GNAQ: variants seen among roughly 807,000 people sequenced by gnomAD.
GNAQ encodes guanine nucleotide-binding protein G(q) subunit alpha.
In GNAQ, 8 loss-of-function variants were observed where a neutral mutation model predicts 43.9. That is an observed-to-expected ratio of 0.18 (90% confidence interval 0.11 to 0.33). GNAQ has a LOEUF of 0.33. Ranked by LOEUF, GNAQ falls within the 10% of genes least tolerant of loss-of-function variation. The pLI is 1.00. For synonymous variants in GNAQ, 155 were observed against 170.7 expected (o/e 0.91, Z 0.71); for missense variants, 158 against 450.8 (o/e 0.35, Z 5.88).
chr9:77,884,662 G>C (rs1828272556), intron 2 of GNAQ, among the ~76,000 whole-genome samples: 1 of 152,124 alleles, frequency 6.6e-6, no homozygotes. Context: ...CTCTTAATAA[G>C]GTCATTCTTT....
intron 3 of GNAQ, among the ~76,000 whole-genome samples, chr9:77,802,891 A>G (rs888479873): frequency 6.6e-6 from 1 of 152,020 alleles, no homozygotes; most frequent in Non-Finnish European, 1.5e-5. Flanking sequence ...ATGACTTTTC[A>G]CTGTGCTGAG....
chr9:77,977,800 AT>A (rs1823323049), intron 1 of GNAQ, among the ~76,000 whole-genome samples: 1 of 152,058 alleles, frequency 6.6e-6, no homozygotes, highest in Non-Finnish European at 1.5e-5. Flanking sequence ...CTTCTGCCAT[AT>A]TTTGATCAGG....
chr9:78,021,943 C>G (rs968675345), intron 1 of GNAQ, among the ~76,000 whole-genome samples: 6 of 152,208 alleles, frequency 3.9e-5, no homozygotes, highest in Admixed American at 2.0e-4. Flanking sequence ...TATCGCCCTT[C>G]CTGCAGGAAG....
chr9:78,030,517 T>C (rs1824038003), intron 1 of GNAQ: 1 of 471,042 alleles, frequency 2.1e-6, no homozygotes, highest in Non-Finnish European at 4.4e-6. Flanking sequence ...TTCCTCACCA[T>C]GAGTGCTCCG....
intron 2 of GNAQ, among the ~76,000 whole-genome samples, chr9:77,909,857 A>G (rs1828770590): frequency 6.6e-6 from 1 of 152,120 alleles, no homozygotes; most frequent in Non-Finnish European, 1.5e-5. Flanking sequence ...ATTAATGAAG[A>G]GCTTATTTTT....
chr9:77,750,368 T>C (rs1303559426), intron 5 of GNAQ, among the ~76,000 whole-genome samples: 2 of 152,198 alleles, frequency 1.3e-5, no homozygotes, highest in Non-Finnish European at 1.5e-5. Context: ...TTAATCATAA[T>C]ACAGTTTTAC....
intron 5 of GNAQ, among the ~76,000 whole-genome samples, chr9:77,773,154 CTTCT>C (rs796826755): frequency 1.4e-3 from 208 of 152,262 alleles, no homozygotes; most frequent in African/African-American, 4.6e-3. Flanking sequence ...TAAACCAAAG[CTTCT>C]TTATTTTTCA....
At chr9:77,939,009 G>T (rs1441910246) in intron 1 of GNAQ, among the ~76,000 whole-genome samples, 1 of 152,200 alleles carries the variant, frequency 6.6e-6, no homozygotes, top group Non-Finnish European at 1.5e-5. Flanking sequence ...CTGCATGAAG[G>T]AGGAGAGGGC....
At chr9:77,839,233 T>C (rs1177892177) in intron 2 of GNAQ, among the ~76,000 whole-genome samples, 1 of 152,244 alleles carries the variant, frequency 6.6e-6, no homozygotes, top group African/African-American at 2.4e-5. Context: ...AACTAGAAGT[T>C]AGACTTGACT....
chr9:77,723,493 A>C (rs1825351171), intron 6 of GNAQ, among the ~76,000 whole-genome samples: 1 of 152,238 alleles, frequency 6.6e-6, no homozygotes, highest in South Asian at 2.1e-4. Flanking sequence ...AGCATTGTTA[A>C]CAACAGCTAA....
At chr9:77,983,414 C>T (rs1350452974) in intron 1 of GNAQ, among the ~76,000 whole-genome samples, 1 of 152,216 alleles carries the variant, frequency 6.6e-6, no homozygotes, top group Non-Finnish European at 1.5e-5. Flanking sequence ...AGCCTCAGTA[C>T]CTCACCAACC....
intron 1 of GNAQ, among the ~76,000 whole-genome samples, chr9:78,008,852 C>T (rs1823740070): frequency 6.6e-6 from 1 of 152,290 alleles, no homozygotes; most frequent in East Asian, 1.9e-4. Flanking sequence ...TTCCTGACCT[C>T]GTGATCCGCC....
intron 2 of GNAQ, among the ~76,000 whole-genome samples, chr9:77,902,234 A>G (rs1259177040): frequency 2.6e-5 from 4 of 152,244 alleles, no homozygotes; most frequent in Non-Finnish European, 5.9e-5. Flanking sequence ...TTGTAAAAAT[A>G]TATTTGTAAG....
chr9:77,806,595 C>T (rs973872898), intron 3 of GNAQ, among the ~76,000 whole-genome samples: 2 of 152,172 alleles, frequency 1.3e-5, no homozygotes, highest in African/African-American at 2.4e-5. Context: ...ACTGTAGTCA[C>T]TGGAGAATAG....
chr9:77,887,757 A>G (rs1354089031), intron 2 of GNAQ, among the ~76,000 whole-genome samples: 2 of 152,236 alleles, frequency 1.3e-5, no homozygotes, highest in African/African-American at 4.8e-5. Context: ...ATATTAATAT[A>G]TAACATATCA....
chr9:77,907,904 A>G (rs1457169807), intron 2 of GNAQ, among the ~76,000 whole-genome samples: 1 of 152,162 alleles, frequency 6.6e-6, no homozygotes, highest in Non-Finnish European at 1.5e-5. Flanking sequence ...AAGAAAATTA[A>G]ATACATGTGT....
chr9:77,743,257 A>G (rs746735868), intron 5 of GNAQ, among the ~76,000 whole-genome samples: 1 of 150,786 alleles, frequency 6.6e-6, no homozygotes, highest in Non-Finnish European at 1.5e-5. Flanking sequence ...ACTCCATCTC[A>G]AACAAAAAAC....
chr9:77,909,177 G>T (rs142418437), intron 2 of GNAQ, among the ~76,000 whole-genome samples: 223 of 152,236 alleles, frequency 1.5e-3, no homozygotes, highest in Non-Finnish European at 2.4e-3. Flanking sequence ...AAAGCATATG[G>T]TATTGATTAT....
At chr9:77,900,629 A>T (rs987793442) in intron 2 of GNAQ, among the ~76,000 whole-genome samples, 1 of 152,038 alleles carries the variant, frequency 6.6e-6, no homozygotes, top group Non-Finnish European at 1.5e-5. Context: ...CTAGGATCAA[A>T]CTATCCTCCT....
Sources: gnomAD v4.1 joint callset for allele counts (sites outside exome capture counted in the v4.1 genomes callset) on GRCh38, gnomAD v4.1.1 for gene constraint, MANE v1.5 for transcripts, NCBI Gene and HGNC (gene_info 2026-07-23, HGNC 2026-07-21) for gene names.